Variants in LRP12 observed in about 807,000 individuals in gnomAD.
LRP12 encodes low-density lipoprotein receptor-related protein 12.
A neutral mutation model predicts 66.0 loss-of-function variants in LRP12; 14 were observed. The ratio of observed to expected loss-of-function variants is 0.21; its 90% confidence interval spans 0.14 to 0.33. LRP12 has a LOEUF of 0.33. LRP12 is among the 10% of genes least tolerant of loss of function. LRP12 has a pLI of 1.00. For missense variants in LRP12, 889 were observed against 1,053.4 expected, an observed-to-expected ratio of 0.84 and a Z score of 2.16; for synonymous variants, 357 against 359.1, an observed-to-expected ratio of 0.99 and a Z score of 0.07.
At chr8:104,535,150 A>G (rs752502871) in intron 1 of LRP12, among the ~76,000 whole-genome samples, 5 of 152,034 alleles carry the variant, frequency 3.3e-5, no homozygotes, top group Non-Finnish European at 5.9e-5. Flanking sequence ...AAGTTTGATT[A>G]TCACCTAAAT....
At chr8:104,517,990 A>G (rs1224538393) in intron 2 of LRP12, among the ~76,000 whole-genome samples, 2 of 152,138 alleles carry the variant, frequency 1.3e-5, no homozygotes. Flanking sequence ...CCAAACATGG[A>G]AAAAGCAGAG....
rs752687280 is a variant in LRP12 at position 104,497,216 on chromosome 8, T to C, written c.1336A>G (p.Lys446Glu). The C allele has an allele frequency of 8.1e-6, 13 of 1,612,484 alleles. No homozygotes were observed. The highest frequency in any genetic ancestry group is 1.1e-5 in the Non-Finnish European group (13 of 1,179,240). Residue 446 changes from lysine (K) to glutamate (E), a missense_variant, in exon 5 of 7, where the codon AAA (lysine) becomes GAA (glutamate). Around this residue, in one of 3 missense-constraint regions of LRP12, gnomAD observed 800 missense variants for 964.5 expected, o/e 0.83. Transcript: ENST00000276654. This position sits in a 1 kb window ranked among gnomAD's most constrained non-coding sequence, Gnocchi z 4.3. ...QNHCPNGSDE[K>E]NCFFCQPGNF... ...CCTGGTTGGCAAAAAAAGCAGTTTT[T>C]TTCATCTGAGCCATTTGGGCAATGA...
At chr8:104,552,814 A>G (rs1000893207) in intron 1 of LRP12, among the ~76,000 whole-genome samples, 4 of 152,164 alleles carry the variant, frequency 2.6e-5, no homozygotes, top group Non-Finnish European at 5.9e-5. Context: ...TTTTGCTCCA[A>G]GAACTACCAC....
intron 6 of LRP12, among the ~76,000 whole-genome samples, chr8:104,494,329 C>T (rs1810686249): frequency 2.0e-5 from 3 of 152,150 alleles, no homozygotes; most frequent in Admixed American, 6.5e-5. Flanking sequence ...TCCTAAAATA[C>T]TCCAATAAGG....
At chr8:104,551,188 G>A (rs929105463) in intron 1 of LRP12, among the ~76,000 whole-genome samples, 1 of 152,162 alleles carries the variant, frequency 6.6e-6, no homozygotes, top group Non-Finnish European at 1.5e-5. Flanking sequence ...GAAAAGTTGA[G>A]TGCATTGCCA....
At chr8:104,565,461 T>C (rs1455033759) in intron 1 of LRP12, among the ~76,000 whole-genome samples, 1 of 152,084 alleles carries the variant, frequency 6.6e-6, no homozygotes, top group Non-Finnish European at 1.5e-5. Flanking sequence ...TACACAGAAT[T>C]CTGAAAGAAA....
At chr8:104,581,300 G>A (rs901034325) in intron 1 of LRP12, among the ~76,000 whole-genome samples, 2 of 152,042 alleles carry the variant, frequency 1.3e-5, no homozygotes, top group African/African-American at 4.8e-5. Context: ...GGTGGCGGGT[G>A]GGACAAAGGA....
At chr8:104,500,634 C>CA (rs1810813362) in intron 3 of LRP12, among the ~76,000 whole-genome samples, 1 of 152,182 alleles carries the variant, frequency 6.6e-6, no homozygotes, top group Non-Finnish European at 1.5e-5. Flanking sequence ...ACCTGGGAGA[C>CA]AGAGTTTGCA....
At chr8:104,559,832 C>A (rs1291756076) in intron 1 of LRP12, among the ~76,000 whole-genome samples, 1 of 151,928 alleles carries the variant, frequency 6.6e-6, no homozygotes, top group Non-Finnish European at 1.5e-5. Context: ...TCTAGCTACA[C>A]TATACAGGTA....
intron 1 of LRP12, among the ~76,000 whole-genome samples, chr8:104,579,668 A>C (rs542084117): frequency 5.3e-5 from 8 of 152,198 alleles, no homozygotes; most frequent in Admixed American, 1.3e-4. Context: ...CATGCTACCC[A>C]ACTTCAAACT....
intron 1 of LRP12, among the ~76,000 whole-genome samples, chr8:104,559,685 CA>C (rs1008555472): frequency 9.3e-5 from 14 of 150,794 alleles, no homozygotes; most frequent in Non-Finnish European, 1.6e-4. Flanking sequence ...CATGCCTATC[CA>C]AAAAAAAGGA....
chr8:104,537,976 A>G (rs563453042), intron 1 of LRP12, among the ~76,000 whole-genome samples: 1 of 152,298 alleles, frequency 6.6e-6, no homozygotes, highest in Admixed American at 6.5e-5. Flanking sequence ...AAATAACTAC[A>G]GCACTTCCAA....
chr8:104,501,920 C>G (rs527630074), intron 3 of LRP12, among the ~76,000 whole-genome samples: 1 of 152,042 alleles, frequency 6.6e-6, no homozygotes, highest in African/African-American at 2.4e-5. Flanking sequence ...AAGATCTCAA[C>G]GATGTTCAAC....
intron 3 of LRP12, among the ~76,000 whole-genome samples, chr8:104,502,631 G>A (rs977221614): frequency 2.0e-4 from 30 of 152,258 alleles, no homozygotes; most frequent in Admixed American, 1.9e-3. Context: ...CCTATCTCAC[G>A]AAGTGTGGTT....
chr8:104,548,816 T>C (rs1357027668), intron 1 of LRP12, among the ~76,000 whole-genome samples: 1 of 151,420 alleles, frequency 6.6e-6, no homozygotes, highest in Non-Finnish European at 1.5e-5. Context: ...TGGTGGTGCA[T>C]GCCTGTAATC....
rs1811199590 is a variant in LRP12, at chr8:104,524,491, A to T, written c.136+7416T>A. 2.0e-5 allele frequency among the ~76,000 whole-genome samples: 3 copies of T among 152,254 alleles called. No individual in the cohort carries two copies. The East Asian group carries it at 5.8e-4, about 29-fold the overall frequency. ...CTTGAGCATGATCCAAATTAGGCAA[A>T]ATCCATTGGAAACAACCCATTGTAA... On this transcript the variant is annotated intron_variant, in intron 2 of 6. Transcript: ENST00000276654.
intron 1 of LRP12, among the ~76,000 whole-genome samples, chr8:104,581,272 T>C (rs1029037881): frequency 6.6e-6 from 1 of 151,956 alleles, no homozygotes; most frequent in Non-Finnish European, 1.5e-5. Context: ...GAACAACACA[T>C]ACTGGGGCCT....
intron 2 of LRP12, among the ~76,000 whole-genome samples, chr8:104,511,923 G>A (rs532093141): frequency 2.9e-4 from 44 of 150,802 alleles, no homozygotes; most frequent in African/African-American, 9.0e-4. Context: ...TTTTGCTGCT[G>A]TTTCGTTAGT....
chr8:104,516,293 T>A (rs1247639328), intron 2 of LRP12, among the ~76,000 whole-genome samples: 1 of 152,044 alleles, frequency 6.6e-6, no homozygotes, highest in African/African-American at 2.4e-5. Flanking sequence ...GCTATCTGAC[T>A]AGCCCCCACA....
Sources: allele counts gnomAD v4.1 joint callset (sites outside exome capture counted in the v4.1 genomes callset), GRCh38; gene constraint gnomAD v4.1.1; regional missense constraint gnomAD v4.1.1; non-coding constraint Gnocchi (gnomAD v3.1); transcripts MANE v1.5; gene names NCBI Gene and HGNC (gene_info 2026-07-23, HGNC 2026-07-21).